SPAG16: variants seen among roughly 807,000 people sequenced by gnomAD.
SPAG16 encodes the protein sperm associated antigen 16.
SPAG16 carries 86 observed loss-of-function variants against 80.4 expected under a neutral mutation model. That is an observed-to-expected ratio of 1.07 (90% CI 0.90 to 1.28). The LOEUF (loss-of-function observed/expected upper bound fraction) is 1.28. SPAG16 is among the 50% of genes most tolerant of loss of function. SPAG16 has a pLI of 0.00. For synonymous variants in SPAG16, 294 were observed against 265.9 expected (o/e 1.11, Z -1.03); for missense variants, 870 against 765.3 (o/e 1.14, Z -1.61).
chr2:214,077,993 G>A (rs1356533177), intron 13 of SPAG16, among the ~76,000 whole-genome samples: 5 of 152,240 alleles, frequency 3.3e-5, no homozygotes, highest in Admixed American at 6.5e-5. Context: ...TAAGTAAAGC[G>A]TTTGCACATT....
intron 14 of SPAG16, among the ~76,000 whole-genome samples, chr2:214,119,907 T>C (rs1265005856): frequency 6.6e-6 from 1 of 152,022 alleles, no homozygotes; most frequent in African/African-American, 2.4e-5. Flanking sequence ...CAACTATAAA[T>C]CTAATAGTTG....
chr2:214,079,400 T>C (rs1270490813), intron 13 of SPAG16, among the ~76,000 whole-genome samples: 1 of 152,224 alleles, frequency 6.6e-6, no homozygotes. Flanking sequence ...ATCTCTTTGT[T>C]TGAATAATTT....
At chr2:213,656,226 C>T (rs1019534974) in intron 10 of SPAG16, among the ~76,000 whole-genome samples, 3 of 152,216 alleles carry the variant, frequency 2.0e-5, no homozygotes, top group Non-Finnish European at 2.9e-5. Context: ...GACGGAGTCT[C>T]GCTCTGTCGC....
intron 12 of SPAG16, among the ~76,000 whole-genome samples, chr2:213,952,566 C>A (rs2079844497): frequency 6.6e-6 from 1 of 152,042 alleles, no homozygotes; most frequent in Non-Finnish European, 1.5e-5. Flanking sequence ...AGAAAAGAGT[C>A]TTCACTGGGC....
At chr2:213,890,573 C>T (rs1323275589) in intron 11 of SPAG16, among the ~76,000 whole-genome samples, 1 of 128,444 alleles carries the variant, frequency 7.8e-6, no homozygotes, top group Admixed American at 8.3e-5. Context: ...TAATAAAGAG[C>T]AATAATTAAA....
At chr2:214,073,669 C>A (rs535519347) in intron 13 of SPAG16, among the ~76,000 whole-genome samples, 1 of 152,248 alleles carries the variant, frequency 6.6e-6, no homozygotes, top group South Asian at 2.1e-4. Context: ...AACATTCCAG[C>A]AGTTTCTTTT....
intron 6 of SPAG16, among the ~76,000 whole-genome samples, chr2:213,349,036 T>G (rs1439302544): frequency 6.6e-6 from 1 of 152,166 alleles, no homozygotes; most frequent in Non-Finnish European, 1.5e-5. Flanking sequence ...CACAACCAAA[T>G]TAAATTAGAA....
Position 213,366,281 on chromosome 2 carries a change from C to A in SPAG16, c.832+2136C>A, listed in dbSNP as rs548570580. Among the ~76,000 whole-genome samples the A allele has an allele frequency of 5.9e-5, 9 of 151,998 alleles. 1 individual carries two copies. In the South Asian group the frequency reaches 1.2e-3, roughly 21 times the overall value. On this transcript the variant is annotated intron_variant, in intron 8 of 15. Coordinates refer to ENST00000331683, the MANE Select transcript of SPAG16 (RefSeq NM_024532.5). ...AAACAAATGATGGCCCCAAATTTCC[C>A]CAAATTCATGTAAAGTATAAACTTA...
chr2:213,489,523 AT>A (rs1383740172), intron 9 of SPAG16, among the ~76,000 whole-genome samples: 2 of 152,136 alleles, frequency 1.3e-5, no homozygotes, highest in African/African-American at 4.8e-5. Flanking sequence ...CAATTAGCAA[AT>A]GTTAACTTTG....
chr2:213,962,629 G>A (rs1479811936), intron 12 of SPAG16, among the ~76,000 whole-genome samples: 1 of 152,206 alleles, frequency 6.6e-6, no homozygotes, highest in Non-Finnish European at 1.5e-5. Flanking sequence ...ATTTTGATCT[G>A]GGTCTTCCAG....
At chr2:214,381,873 T>C (rs988225329) in intron 15 of SPAG16, among the ~76,000 whole-genome samples, 2 of 152,246 alleles carry the variant, frequency 1.3e-5, no homozygotes, top group African/African-American at 4.8e-5. Context: ...CAAGCAGTTC[T>C]GCCCCTATTA....
At chr2:213,792,748 C>T (rs999903387) in intron 10 of SPAG16, among the ~76,000 whole-genome samples, 2 of 146,688 alleles carry the variant, frequency 1.4e-5, no homozygotes, top group Non-Finnish European at 3.0e-5. Context: ...TGTGCCCAGC[C>T]GAAAATGAGA....
At chr2:213,989,938 A>T (rs1425814227) in intron 12 of SPAG16, among the ~76,000 whole-genome samples, 1 of 152,100 alleles carries the variant, frequency 6.6e-6, no homozygotes, top group Non-Finnish European at 1.5e-5. Context: ...TATTGCAAAA[A>T]AATAAAAATT....
Position 213,859,210 on chromosome 2 carries a change from AAAAAAAC to A in SPAG16, c.1071-3274_1071-3268del, listed in dbSNP as rs1170673115. On this transcript the variant is annotated intron_variant, in intron 10 of 15. Transcript: ENST00000331683. Reference sequence around the variant, plus strand: ...AAAAAAAAAAAAAAAAAAAAAAAAAAAAAAAACTCAATGTCCTCTGACAACTTGATGT... The same window carrying A: ...AAAAAAAAAAAAAAAAAAAAAAAAAATCAATGTCCTCTGACAACTTGATGT... 4.0e-4 allele frequency among the ~76,000 whole-genome samples: 46 copies of A among 115,174 alleles called. 5 individuals are homozygous for A. Among genetic ancestry groups the A allele is most frequent in the African/African-American group, 4.3e-4 (12 of 28,036 alleles). 75.6% of individuals were successfully genotyped at this position (115,174 alleles called of 152,430 possible).
intron 4 of SPAG16, among the ~76,000 whole-genome samples, chr2:213,312,475 C>T (rs575588539): frequency 5.9e-5 from 9 of 151,666 alleles, no homozygotes; most frequent in Non-Finnish European, 1.0e-4. Context: ...GTCAGAACTA[C>T]TCACCCTAAA....
At chr2:213,587,941 G>A (rs1043166012) in intron 10 of SPAG16, among the ~76,000 whole-genome samples, 1 of 152,006 alleles carries the variant, frequency 6.6e-6, no homozygotes, top group South Asian at 2.1e-4. Flanking sequence ...ATGCCCCTTA[G>A]AAATCTTTAA....
At chr2:214,327,561 A>G (rs1459408807) in intron 15 of SPAG16, among the ~76,000 whole-genome samples, 1 of 152,228 alleles carries the variant, frequency 6.6e-6, no homozygotes, top group African/African-American at 2.4e-5. Context: ...CAGTTGGACT[A>G]TAATAAACTA....
At chr2:214,036,595 G>A (rs1328175349) in intron 13 of SPAG16, among the ~76,000 whole-genome samples, 1 of 152,096 alleles carries the variant, frequency 6.6e-6, no homozygotes, top group East Asian at 1.9e-4. Flanking sequence ...TTCCAACATA[G>A]CAGGATAATT....
At chr2:214,247,733 G>A (rs1365438552) in intron 15 of SPAG16, among the ~76,000 whole-genome samples, 2 of 151,982 alleles carry the variant, frequency 1.3e-5, no homozygotes, top group Non-Finnish European at 2.9e-5. Flanking sequence ...CAGCTGATGT[G>A]ACAAAAAATC....
Sources: gnomAD v4.1 joint callset for allele counts (sites outside exome capture counted in the v4.1 genomes callset) on GRCh38, gnomAD v4.1.1 for gene constraint, MANE v1.5 for transcripts, NCBI Gene and HGNC (gene_info 2026-07-23, HGNC 2026-07-21) for gene names.